Variants in RASAL2 observed in about 807,000 individuals in gnomAD.
The protein encoded by RASAL2 is RAS protein activator like 2.
RASAL2 carries 58 observed loss-of-function variants against 128.9 expected under a neutral mutation model. That is an observed-to-expected ratio of 0.45 (90% confidence interval 0.36 to 0.56). RASAL2 has a LOEUF of 0.56. Ranked by LOEUF, RASAL2 falls within the 20% of genes least tolerant of loss-of-function variation. The pLI, the probability that RASAL2 is intolerant of heterozygous loss-of-function variation, is 0.00. For synonymous variants in RASAL2, 561 were observed against 580.8 expected (o/e 0.97, Z 0.49); for missense variants, 1,360 against 1,601.6 (o/e 0.85, Z 2.57).
chr1:178,260,688 G>C (rs2102131182), intron 1 of RASAL2, among the ~76,000 whole-genome samples: 1 of 151,794 alleles, frequency 6.6e-6, no homozygotes, highest in South Asian at 2.1e-4. Context: ...AAAATATCAA[G>C]AGTATTTTAT....
intron 3 of RASAL2, among the ~76,000 whole-genome samples, chr1:178,339,285 C>T (rs1669746444): frequency 6.6e-6 from 1 of 152,148 alleles, no homozygotes; most frequent in African/African-American, 2.4e-5. Context: ...CAGGTGGGAT[C>T]GTGGTCAATA....
rs1196671078 is a variant in RASAL2 at position 178,094,149 on chromosome 1, C to A, written c.-344C>A. 3 of 308,880 alleles carry A rather than the reference C, an allele frequency of 9.7e-6. No homozygotes were observed. Among genetic ancestry groups the A allele is most frequent in the Non-Finnish European group, 1.2e-5 (2 of 168,438 alleles). The allele number at this position is 308,880 out of a possible 1,614,324, so 19.1% of individuals were successfully genotyped here. A position where few individuals can be genotyped will look rare whatever the true frequency, so the allele number is the denominator to read the frequency against. ...GAGACGCCGGCGGGGCTGAAGAAGG[C>A]GGCTCCGAGGAGGTGGGAGGGCGAG... is the stretch of plus-strand genomic sequence containing the variant. On this transcript the variant is annotated 5_prime_UTR_variant, in exon 1 of 18. Coordinates refer to ENST00000367649, the MANE Select transcript of RASAL2 (RefSeq NM_170692.4).
intron 3 of RASAL2, among the ~76,000 whole-genome samples, chr1:178,342,080 A>T (rs1669912050): frequency 6.6e-6 from 1 of 152,198 alleles, no homozygotes; most frequent in Non-Finnish European, 1.5e-5. Flanking sequence ...TCAAAAGTTT[A>T]ACAGGTTTGA....
chr1:178,272,858 G>A (rs1395831191), intron 1 of RASAL2, among the ~76,000 whole-genome samples: 1 of 152,108 alleles, frequency 6.6e-6, no homozygotes, highest in Non-Finnish European at 1.5e-5. Flanking sequence ...AACCCAGGAG[G>A]CAGAGGTTGC....
chr1:178,311,194 A>C (rs997700763), intron 3 of RASAL2, among the ~76,000 whole-genome samples: 2 of 151,980 alleles, frequency 1.3e-5, no homozygotes, highest in Non-Finnish European at 2.9e-5. Flanking sequence ...TATTTTAAAG[A>C]CATGATCCAT....
chr1:178,119,363 G>A (rs1173334927), intron 1 of RASAL2, among the ~76,000 whole-genome samples: 2 of 152,168 alleles, frequency 1.3e-5, no homozygotes, highest in African/African-American at 2.4e-5. Flanking sequence ...CCAGAGTTGC[G>A]TGAACAGGCG....
chr1:178,337,506 A>C (rs1669647418), intron 3 of RASAL2, among the ~76,000 whole-genome samples: 1 of 152,176 alleles, frequency 6.6e-6, no homozygotes, highest in South Asian at 2.1e-4. Flanking sequence ...ATGGGTAAAC[A>C]TGAAAAGACA....
At chr1:178,133,323 T>G (rs970168478) in intron 1 of RASAL2, among the ~76,000 whole-genome samples, 3 of 152,202 alleles carry the variant, frequency 2.0e-5, no homozygotes, top group Non-Finnish European at 4.4e-5. Context: ...AAGCCTGTTA[T>G]CTGCCTTTCC....
intron 1 of RASAL2, among the ~76,000 whole-genome samples, chr1:178,161,120 A>AAG (rs1231272185): frequency 6.6e-6 from 1 of 151,934 alleles, no homozygotes; most frequent in African/African-American, 2.4e-5. Context: ...CTTTAAAAAA[A>AAG]AAAGGATATA....
intron 1 of RASAL2, among the ~76,000 whole-genome samples, chr1:178,144,432 T>C (rs1174041033): frequency 1.3e-5 from 2 of 152,218 alleles, no homozygotes; most frequent in African/African-American, 4.8e-5. Context: ...TTTTTAAAAA[T>C]ATTTTAAAAT....
In RASAL2 at chr1:178,409,785, G is replaced by T. The variant is rs79948760; in HGVS notation, c.565-10726G>T. ...TATGTAAGCAGTTGCTCAGAAGCAG[G>T]CAATGGGCAACTGGGCATGACATGT... On this transcript the variant is annotated intron_variant, in intron 4 of 17. Transcript: ENST00000367649. Among the ~76,000 whole-genome samples, 917 of 152,274 alleles carry T rather than the reference G, an allele frequency of 6.0e-3. 9 individuals are homozygous for T. The highest frequency in any genetic ancestry group is 0.021 in the African/African-American group (869 of 41,548).
chr1:178,249,396 A>G (rs760252659), intron 1 of RASAL2, among the ~76,000 whole-genome samples: 11 of 151,916 alleles, frequency 7.2e-5, no homozygotes, highest in Admixed American at 1.3e-4. Flanking sequence ...CCATCAGGTC[A>G]TTTATGTTCT....
intron 3 of RASAL2, among the ~76,000 whole-genome samples, chr1:178,386,713 T>C (rs1001178447): frequency 6.6e-6 from 1 of 152,224 alleles, no homozygotes; most frequent in Admixed American, 6.5e-5. Context: ...GTCTCATCAG[T>C]CTCAGAGAAT....
chr1:178,371,936 G>T (rs955334876), intron 3 of RASAL2, among the ~76,000 whole-genome samples: 1 of 152,006 alleles, frequency 6.6e-6, no homozygotes, highest in Non-Finnish European at 1.5e-5. Flanking sequence ...ATTATTCAGT[G>T]TTATCCTGGC....
chr1:178,114,723 C>G (rs1285320232), intron 1 of RASAL2, among the ~76,000 whole-genome samples: 1 of 152,132 alleles, frequency 6.6e-6, no homozygotes, highest in Non-Finnish European at 1.5e-5. Context: ...GGTGTTTCAC[C>G]ATGTTAGCCA....
In RASAL2 at chr1:178,390,080, A is replaced by G. The variant is rs558228744; in HGVS notation, c.458-20A>G. On this transcript the variant is annotated intron_variant, in intron 3 of 17. Transcript: ENST00000367649. ...ATTTGGGGTTCTTAATGATGTTTCA[A>G]CTTTCCTCCTTTTTTCCAGAGGTAC... is the stretch of plus-strand genomic sequence containing the variant. 1.7e-5 allele frequency: 26 copies of G among 1,545,842 alleles called. No individual in the cohort carries two copies. The highest frequency in any genetic ancestry group is 1.6e-4 in the South Asian group (14 of 85,084).
chr1:178,101,582 A>T (rs897920341), intron 1 of RASAL2, among the ~76,000 whole-genome samples: 1 of 152,224 alleles, frequency 6.6e-6, no homozygotes, highest in Non-Finnish European at 1.5e-5. Context: ...TTCAACATAG[A>T]TAAGATAACA....
chr1:178,364,774 A>C (rs1363673283), intron 3 of RASAL2, among the ~76,000 whole-genome samples: 1 of 152,206 alleles, frequency 6.6e-6, no homozygotes, highest in Non-Finnish European at 1.5e-5. Context: ...AATTGTATAT[A>C]CTATGAGTAA....
intron 3 of RASAL2, among the ~76,000 whole-genome samples, chr1:178,354,157 A>G (rs951784961): frequency 6.6e-6 from 1 of 152,366 alleles, no homozygotes; most frequent in South Asian, 2.1e-4. Context: ...GGAATAATAC[A>G]TTATGACTAA....
Sources: allele counts gnomAD v4.1 joint callset (sites outside exome capture counted in the v4.1 genomes callset), GRCh38; gene constraint gnomAD v4.1.1; transcripts MANE v1.5; gene names NCBI Gene and HGNC (gene_info 2026-07-23, HGNC 2026-07-21).